Variants in NOTCH3 observed in about 807,000 individuals in gnomAD.
NOTCH3 encodes neurogenic locus notch homolog protein 3.
In NOTCH3, 86 loss-of-function variants were observed where a neutral mutation model predicts 213.3. The observed-to-expected ratio is 0.40, with a 90% CI of 0.34 to 0.48. The LOEUF is 0.48. NOTCH3 is among the 20% of genes least tolerant of loss of function. The probability of loss-of-function intolerance (pLI) is 0.57; values close to 1 mark genes in which losing one functional copy is unlikely to be tolerated. For synonymous variants in NOTCH3, 1,354 were observed against 1,355.9 expected (o/e 1.00, Z 0.03); for missense variants, 2,783 against 3,272.6 (o/e 0.85, Z 3.65).
chr19:15,180,827 G>A lies in NOTCH3; in HGVS notation c.2996C>T (p.Thr999Met), dbSNP rs768565833. ...LESFTGPQCQ[T>M]LVDWCSRQPC... ...CTGGCGGCTGCACCAATCCACCAGC[G>A]TCTGGAGGGGAAGCACTCAGAGTCA... Residue 999 changes from threonine to methionine, a missense_variant and splice_region_variant, in exon 19 of 33, where the codon ACG becomes ATG. Thr to Met is a moderately conservative substitution (Grantham distance 81). Transcript: ENST00000263388. 8 of 1,612,358 alleles carry A rather than the reference G, an allele frequency of 5.0e-6. No homozygotes were observed. Among genetic ancestry groups the A allele is most frequent in the South Asian group, 1.1e-5 (1 of 90,658 alleles).
chr19:15,195,747 C>G (rs1395871510), intron 2 of NOTCH3, among the ~76,000 whole-genome samples: 1 of 151,540 alleles, frequency 6.6e-6, no homozygotes, highest in South Asian at 2.1e-4. Flanking sequence ...CGCTGGGCGC[C>G]GAGGATAGCT....
At chr19:15,186,853 C>T in intron 12 of NOTCH3, 25 bp downstream of exon 12, 1 of 1,586,462 alleles carries the variant, frequency 6.3e-7, no homozygotes, top group Non-Finnish European at 8.7e-7. Flanking sequence ...CTAAGGACCC[C>T]CTCTCATGGC....
Position 15,181,613 on chromosome 19 carries a change from A to C in NOTCH3, c.2755T>G (p.Phe919Val). The part of the protein sequence containing the change: ...TCTCPPGYGG[F>V]HCEQDLPDCS... ...TCGGGCAGGTCCTGTTCGCAGTGGA[A>C]GCCTCCGTAGCCTGGCGGGCAGGTG... The change falls in exon 17 of 33, where the codon TTC (phenylalanine) becomes GTC (valine). Residue 919 changes from phenylalanine to valine, a missense_variant. Around this residue, in one of 6 missense-constraint regions of NOTCH3, gnomAD observed 861 missense variants for 909.1 expected, o/e 0.95. Coordinates refer to ENST00000263388, the MANE Select transcript of NOTCH3 (RefSeq NM_000435.3). The C allele has an allele frequency of 6.4e-7, 1 of 1,550,736 alleles. No individual in the cohort carries two copies. Among genetic ancestry groups the C allele is most frequent in the Non-Finnish European group, 8.7e-7 (1 of 1,146,844 alleles).
chr19:15,166,257 G>A (rs2046685366), intron 29 of NOTCH3, among the ~76,000 whole-genome samples, 166 bp from the exon 30 acceptor site: 1 of 152,150 alleles, frequency 6.6e-6, no homozygotes, highest in African/African-American at 2.4e-5. Flanking sequence ...GTGGGCACGT[G>A]ATTTGTCACA....
rs1287498840 is a variant in NOTCH3, at chr19:15,186,934, C to T, written c.1895G>A (p.Gly632Glu). ...GCGGTTGATGCCATCACGGCAGACT[C>T]CAAAGGTGCAGGGGTTGCTGGCACA... ...DDCASNPCTF[G>E]VCRDGINRYD... The change falls in exon 12 of 33, where the codon GGA becomes GAA. Residue 632 changes from glycine (G) to glutamate (E), a missense_variant. Around this residue, in one of 6 missense-constraint regions of NOTCH3, gnomAD observed 708 missense variants for 906.6 expected, o/e 0.78. Transcript: ENST00000263388. The T allele has an allele frequency of 1.9e-6, 3 of 1,614,086 alleles. No homozygotes were observed. The African/African-American group carries it at 4.0e-5, about 22-fold the overall frequency.
intron 1 of NOTCH3, among the ~76,000 whole-genome samples, 170 bp from the exon 2 acceptor site, chr19:15,197,748 C>A (rs1312931008): frequency 7.1e-6 from 1 of 140,840 alleles, no homozygotes; most frequent in Non-Finnish European, 1.5e-5. Flanking sequence ...CCCCCCCCCC[C>A]GCCCCAGCCC....
Position 15,165,535 on chromosome 19 carries a change from C to G in NOTCH3, c.5668-20G>C, listed in dbSNP as rs2145391327. Reference sequence around the variant, plus strand: ...GAGAATCTAGGACAGAGAGTGGATGCAGCAGGAGGGGTCATGGCAGGAACA... The same window carrying G: ...GAGAATCTAGGACAGAGAGTGGATGGAGCAGGAGGGGTCATGGCAGGAACA... On this transcript the variant is annotated intron_variant, in intron 30 of 32. Coordinates refer to ENST00000263388, the MANE Select transcript of NOTCH3 (RefSeq NM_000435.3). This position sits in a 1 kb window ranked among gnomAD's most constrained non-coding sequence, Gnocchi z 4.7. 1 of 1,609,464 alleles carries G rather than the reference C, an allele frequency of 6.2e-7. No homozygotes were observed. The highest frequency in any genetic ancestry group is 1.3e-5 in the African/African-American group (1 of 75,034).
rs767448219 is a variant in NOTCH3 at position 15,185,823 on chromosome 19, C to T, written c.1952-144G>A. On this transcript the variant is annotated intron_variant, in intron 12 of 32. Transcript: ENST00000263388. This position sits in a 1 kb window ranked among gnomAD's most constrained non-coding sequence, Gnocchi z 4.2. ...GCATCAGCTCTTGTGCAGATTAGGA[C>T]ACCCGCCTCCTCAACCAAGAGCTGA... The T allele has an allele frequency of 5.2e-5, 41 of 781,554 alleles. No individual in the cohort carries two copies. Among genetic ancestry groups the T allele is most frequent in the Non-Finnish European group, 8.4e-5 (39 of 461,948 alleles). The allele number at this position is 781,554 out of a possible 1,614,324, so 48.4% of individuals were successfully genotyped here. A position where few individuals can be genotyped will look rare whatever the true frequency, so the allele number is the denominator to read the frequency against.
intron 25 of NOTCH3, among the ~76,000 whole-genome samples, chr19:15,173,744 A>AAGAAGAAG (rs1568351744): frequency 1.4e-3 from 4 of 2,944 alleles, no homozygotes; most frequent in African/African-American, 7.1e-3. Context: ...AAAAAAAAGA[A>AAGAAGAAG]AAGAAGAAGG....
chr19:15,177,748 C>A lies in NOTCH3; in HGVS notation c.4180G>T (p.Ala1394Ser), dbSNP rs753767770. The change falls in exon 24 of 33, where the codon GCC (alanine) becomes TCC (serine). Residue 1394 changes from alanine (A) to serine (S), a missense_variant. This residue lies in a region of NOTCH3 where 133 missense variants were observed against 201.9 expected (regional missense o/e 0.66). Transcript: ENST00000263388. Reference sequence around the variant, plus strand: ...TCGCAGCGCTGGTCCCCGCGCTTGGCCTGGCAGGCGGCGCGCGGGCACCGC... The same window carrying A: ...TCGCAGCGCTGGTCCCCGCGCTTGGACTGGCAGGCGGCGCGCGGGCACCGC... ...EPRCPRAACQ[A>S]KRGDQRCDRE... is the part of the protein sequence containing the mutation. 16 of 1,428,354 alleles carry A rather than the reference C, an allele frequency of 1.1e-5. No individual in the cohort carries two copies. In the Middle Eastern group the frequency reaches 7.5e-4, roughly 67 times the overall value. The allele number at this position is 1,428,354 out of a possible 1,614,324, so 88.5% of individuals were successfully genotyped here.
In NOTCH3 at chr19:15,185,825, C is replaced by T. The variant is rs1156749044; in HGVS notation, c.1952-146G>A. ...ATCAGCTCTTGTGCAGATTAGGACA[C>T]CCGCCTCCTCAACCAAGAGCTGACT... On this transcript the variant is annotated intron_variant, in intron 12 of 32. Coordinates refer to ENST00000263388, the MANE Select transcript of NOTCH3 (RefSeq NM_000435.3). The surrounding 1 kb of genome is among the most constrained non-coding windows in gnomAD (Gnocchi z 4.2). The T allele has an allele frequency of 1.2e-5, 9 of 775,128 alleles. No individual in the cohort carries two copies. The Admixed American group carries it at 1.4e-4, about 12-fold the overall frequency. The allele number at this position is 775,128 out of a possible 1,614,324, so 48.0% of individuals were successfully genotyped here.
Position 15,189,127 on chromosome 19 carries a change from A to T in NOTCH3, c.1240T>A (p.Ser414Thr). 1 of 1,613,384 alleles carries T rather than the reference A, an allele frequency of 6.2e-7. No individual in the cohort carries two copies. The highest frequency in any genetic ancestry group is 1.3e-5 in the African/African-American group (1 of 75,074). The part of the protein sequence containing the change: ...HLGRCVNTQG[S>T]FLCQCGRGYT... ...CCACGACCGCACTGGCACAGGAAGG[A>T]GCCCTGCGTGTTCACGCACCTGCCC... The change falls in exon 8 of 33, where the codon TCC becomes ACC. Residue 414 changes from serine to threonine, a missense_variant. By Grantham distance (58) the Ser-to-Thr change is moderately conservative. Transcript: ENST00000263388.
At chr19:15,172,992 T>TCCTC (rs2046746891) in intron 25 of NOTCH3, among the ~76,000 whole-genome samples, 1 of 110,104 alleles carries the variant, frequency 9.1e-6, no homozygotes, top group African/African-American at 3.7e-5. Context: ...CTCCTCCTCC[T>TCCTC]CCCCCTCCCC....
At position 15,169,895 on chromosome 19, in the gene NOTCH3, C is replaced by A. The variant is rs1489112644; in HGVS notation, c.5199+191G>T. On this transcript the variant is annotated intron_variant, in intron 28 of 32. Transcript: ENST00000263388. ...GACCCTTGGGGCCCCAGTGGCAAATCTTCCTCCCTCTGAGGTCACAGAACC... is the reference window on the plus strand; with the variant it reads ...GACCCTTGGGGCCCCAGTGGCAAATATTCCTCCCTCTGAGGTCACAGAACC... Among the ~76,000 whole-genome samples the A allele has an allele frequency of 8.5e-5, 13 of 152,174 alleles. No individual in the cohort carries two copies. The East Asian group carries it at 2.5e-3, about 29-fold the overall frequency.
chr19:15,165,649 T>G lies in NOTCH3; in HGVS notation c.5668-134A>C, dbSNP rs2046679731. 1 of 1,248,700 alleles carries G rather than the reference T, an allele frequency of 8.0e-7. No homozygotes were observed. Among genetic ancestry groups the G allele is most frequent in the Non-Finnish European group, 1.1e-6 (1 of 893,270 alleles). 77.4% of individuals were successfully genotyped at this position (1,248,700 alleles called of 1,614,324 possible). A position where few individuals can be genotyped will look rare whatever the true frequency, so the allele number is the denominator to read the frequency against. ...TTGGTGAGGTTCAGGGAGCAGCTGC[T>G]TGACAGATACTGTATTCCCATATAT... On this transcript the variant is annotated intron_variant, in intron 30 of 32. Transcript: ENST00000263388. The surrounding 1 kb of genome is among the most constrained non-coding windows in gnomAD (Gnocchi z 4.7).
intron 24 of NOTCH3, 78 bp from the exon 25 acceptor site, chr19:15,174,478 T>C (rs1178112903): frequency 9.4e-7 from 1 of 1,066,770 alleles, no homozygotes; most frequent in South Asian, 1.6e-5. Flanking sequence ...ATTCACACCG[T>C]AGAGTACAGA....
rs1051059969 is a variant in NOTCH3, at chr19:15,170,832, G to A, written c.4737-7C>T. ...CTCCAGCATTACTACCGAGCTGCAGGGACAGCAGGGAGGGACCAGAGGGCT... is the reference window on the plus strand; with the variant it reads ...CTCCAGCATTACTACCGAGCTGCAGAGACAGCAGGGAGGGACCAGAGGGCT... On this transcript the variant is annotated splice_polypyrimidine_tract_variant and splice_region_variant and intron_variant, in intron 25 of 32. Coordinates refer to ENST00000263388, the MANE Select transcript of NOTCH3 (RefSeq NM_000435.3). The A allele has an allele frequency of 1.9e-6, 3 of 1,612,776 alleles. No individual in the cohort carries two copies. The highest frequency in any genetic ancestry group is 3.3e-5 in the Admixed American group (2 of 59,944).
intron 18 of NOTCH3, 29 bp from the exon 19 acceptor site, chr19:15,180,857 T>C (rs1599382309): frequency 1.2e-6 from 2 of 1,611,340 alleles, no homozygotes; most frequent in African/African-American, 2.7e-5. Flanking sequence ...GAGTCAGTAC[T>C]GTGGGGTGGG....
chr19:15,164,062 C>A (rs1207445631), intron 31 of NOTCH3, among the ~76,000 whole-genome samples: 2 of 152,100 alleles, frequency 1.3e-5, no homozygotes, highest in African/African-American at 4.8e-5. Flanking sequence ...AGGGGCTTGG[C>A]AGATGATGGC....
Sources: gnomAD v4.1 joint callset for allele counts (sites outside exome capture counted in the v4.1 genomes callset) on GRCh38, gnomAD v4.1.1 for gene constraint, gnomAD v4.1.1 regional missense constraint, Gnocchi (gnomAD v3.1) non-coding constraint, MANE v1.5 for transcripts, NCBI Gene and HGNC (gene_info 2026-07-23, HGNC 2026-07-21) for gene names.